PPP3CA: variants seen among roughly 807,000 people sequenced by gnomAD.
PPP3CA encodes protein phosphatase 3 catalytic subunit alpha, also known as CAM-PRP catalytic subunit.
A neutral mutation model predicts 66.5 loss-of-function variants in PPP3CA; 14 were observed. The observed-to-expected ratio is 0.21, with a 90% CI of 0.14 to 0.33. The LOEUF is 0.33. Ranked by LOEUF, PPP3CA falls within the 10% of genes least tolerant of loss-of-function variation. The probability of loss-of-function intolerance (pLI) is 1.00; values close to 1 mark genes in which losing one functional copy is unlikely to be tolerated. For synonymous variants in PPP3CA, 232 were observed against 226.2 expected (o/e 1.03, Z -0.23); for missense variants, 317 against 639.5 (o/e 0.50, Z 5.44).
intron 1 of PPP3CA, among the ~76,000 whole-genome samples, chr4:101,268,534 A>G (rs1037127135): frequency 1.3e-5 from 2 of 152,114 alleles, no homozygotes; most frequent in African/African-American, 2.4e-5. Context: ...CCACTATAAA[A>G]ACCTGCAACT....
In PPP3CA at chr4:101,102,831, G is replaced by C. The variant is rs145051444; in HGVS notation, c.385-3109C>G. 2.2e-3 allele frequency among the ~76,000 whole-genome samples: 331 copies of C among 152,316 alleles called. 1 individual carries two copies. The highest frequency in any genetic ancestry group is 3.7e-3 in the Non-Finnish European group (254 of 68,020). The stretch of plus-strand genomic sequence containing the variant: ...AATTTTCAGTGAATTAATTGGTTAA[G>C]GTAGAAACAAAGGGCTGTGTTACAC... On this transcript the variant is annotated intron_variant, in intron 3 of 13. Coordinates refer to ENST00000394854, the MANE Select transcript of PPP3CA (RefSeq NM_000944.5).
chr4:101,141,351 A>G (rs2659550), intron 2 of PPP3CA, among the ~76,000 whole-genome samples: 1 of 151,828 alleles, frequency 6.6e-6, no homozygotes, highest in Admixed American at 6.6e-5. Flanking sequence ...ACTTGGGCAA[A>G]AGAGAGAGAC....
Position 101,041,385 on chromosome 4 carries a change from G to A in PPP3CA, c.1157-819C>T, listed in dbSNP as rs147857189. Among the ~76,000 whole-genome samples, 75 of 149,838 alleles carry A rather than the reference G, an allele frequency of 5.0e-4. No individual in the cohort carries two copies. In the East Asian group the frequency reaches 0.014, roughly 27 times the overall value. Reference sequence around the variant, plus strand: ...CATTTTATTTTTTCTTTTAATTCCCGAGGTACATTGGAAGAAGTATAAAAC... The same window carrying A: ...CATTTTATTTTTTCTTTTAATTCCCAAGGTACATTGGAAGAAGTATAAAAC... On this transcript the variant is annotated intron_variant, in intron 10 of 13. Coordinates refer to ENST00000394854, the MANE Select transcript of PPP3CA (RefSeq NM_000944.5).
At position 101,106,316 on chromosome 4, in the gene PPP3CA, T is replaced by C. The variant is rs573406394; in HGVS notation, c.384+2638A>G. On this transcript the variant is annotated intron_variant, in intron 3 of 13. Coordinates refer to ENST00000394854, the MANE Select transcript of PPP3CA (RefSeq NM_000944.5). ...ATGAAGCCACAGTGAGCTATGACTG[T>C]GCTACTGCATTGTAGCCTGGGTGAC... Among the ~76,000 whole-genome samples the C allele has an allele frequency of 6.7e-5, 10 of 149,038 alleles. No individual in the cohort carries two copies. In the East Asian group the frequency reaches 2.0e-3, roughly 30 times the overall value.
intron 2 of PPP3CA, among the ~76,000 whole-genome samples, chr4:101,175,392 C>T (rs1050995832): frequency 5.3e-5 from 8 of 152,236 alleles, no homozygotes; most frequent in African/African-American, 1.9e-4. Flanking sequence ...TTAGCTGATG[C>T]ATTTTATCAA....
At chr4:101,092,403 G>C in intron 6 of PPP3CA, among the ~76,000 whole-genome samples, 1 of 151,134 alleles carries the variant, frequency 6.6e-6, no homozygotes, top group East Asian at 1.9e-4. Context: ...TTAAAACAAG[G>C]CTGGTGTTGG....
chr4:101,154,808 A>ATTTTTTTTTTT lies in PPP3CA; in HGVS notation c.259+41097_259+41107dup, dbSNP rs779695561. Among the ~76,000 whole-genome samples the ATTTTTTTTTTT allele has an allele frequency of 1.2e-4, 11 of 90,582 alleles. 1 individual carries two copies. The highest frequency in any genetic ancestry group is 7.8e-4 in the East Asian group (2 of 2,574). 59.4% of individuals were successfully genotyped at this position (90,582 alleles called of 152,430 possible). ...GCTTCAGAACACATTCACTCCCAGA[A>ATTTTTTTTTTT]TTTTTTTTTTTTTTTTTTTTTTTTT... On this transcript the variant is annotated intron_variant, in intron 2 of 13. Transcript: ENST00000394854.
At chr4:101,029,716 AGATTCAAAT>A (rs1726851693) in intron 12 of PPP3CA, among the ~76,000 whole-genome samples, 7 of 151,538 alleles carry the variant, frequency 4.6e-5, no homozygotes, top group African/African-American at 1.7e-4. Context: ...AAAAACAGGG[AGATTCAAAT>A]TTAAAGGAAA....
chr4:101,169,205 T>C (rs1723790720), intron 2 of PPP3CA, among the ~76,000 whole-genome samples: 2 of 152,212 alleles, frequency 1.3e-5, no homozygotes. Flanking sequence ...AGTATGGTAA[T>C]CATGTATAGG....
At chr4:101,277,879 C>G (rs1727552502) in intron 1 of PPP3CA, among the ~76,000 whole-genome samples, 1 of 152,010 alleles carries the variant, frequency 6.6e-6, no homozygotes, top group Non-Finnish European at 1.5e-5. Context: ...AAGAAAATTC[C>G]ATGAAAACCA....
At chr4:101,276,502 G>A (rs1164277991) in intron 1 of PPP3CA, among the ~76,000 whole-genome samples, 1 of 152,112 alleles carries the variant, frequency 6.6e-6, no homozygotes, top group Non-Finnish European at 1.5e-5. Context: ...TACACTGAAT[G>A]TTTTTCATGA....
At position 101,139,546 on chromosome 4, in the gene PPP3CA, T is replaced by C. The variant is rs534571692; in HGVS notation, c.260-30468A>G. 2.0e-3 allele frequency among the ~76,000 whole-genome samples: 302 copies of C among 152,114 alleles called. 4 individuals carry two copies. The highest frequency in any genetic ancestry group is 6.9e-3 in the African/African-American group (288 of 41,490). The stretch of plus-strand genomic sequence containing the variant: ...TCTGTACATTGTGGGAGCTCACAAA[T>C]ACTTTATTCGACCCCTAAAAGAATA... On this transcript the variant is annotated intron_variant, in intron 2 of 13. Coordinates refer to ENST00000394854, the MANE Select transcript of PPP3CA (RefSeq NM_000944.5).
chr4:101,089,039 T>C (rs1458152111), intron 6 of PPP3CA, among the ~76,000 whole-genome samples: 1 of 151,828 alleles, frequency 6.6e-6, no homozygotes, highest in Non-Finnish European at 1.5e-5. Context: ...GCATGGTGAG[T>C]TTAGGTTAAG....
At chr4:101,062,724 A>G (rs1728521664) in intron 9 of PPP3CA, among the ~76,000 whole-genome samples, 1 of 152,020 alleles carries the variant, frequency 6.6e-6, no homozygotes, top group Admixed American at 6.6e-5. Context: ...TAATGCCTAC[A>G]TTATTGATGA....
intron 1 of PPP3CA, among the ~76,000 whole-genome samples, chr4:101,303,046 C>T (rs189215592): frequency 6.6e-6 from 1 of 152,136 alleles, no homozygotes; most frequent in Non-Finnish European, 1.5e-5. Flanking sequence ...AAACTCTAGA[C>T]AAATTTTTCA....
intron 1 of PPP3CA, among the ~76,000 whole-genome samples, chr4:101,310,666 C>T (rs759935738): frequency 1.4e-4 from 21 of 152,120 alleles, no homozygotes; most frequent in Non-Finnish European, 3.1e-4. Flanking sequence ...GAGAGAAACA[C>T]TCTGAAGAAA....
At chr4:101,026,573 A>G (rs1257986504) in intron 13 of PPP3CA, among the ~76,000 whole-genome samples, 1 of 152,242 alleles carries the variant, frequency 6.6e-6, no homozygotes, top group Admixed American at 6.5e-5. Context: ...AAGGAGCTAG[A>G]AAAGGAATTA....
intron 10 of PPP3CA, among the ~76,000 whole-genome samples, chr4:101,040,903 C>G (rs531877660): frequency 6.6e-6 from 1 of 152,270 alleles, no homozygotes; most frequent in African/African-American, 2.4e-5. Context: ...TCTATTTATA[C>G]AGAGACCACG....
intron 1 of PPP3CA, among the ~76,000 whole-genome samples, chr4:101,313,509 AAT>A (rs1728790377): frequency 6.6e-6 from 1 of 152,234 alleles, no homozygotes; most frequent in Admixed American, 6.5e-5. Flanking sequence ...ATGAGGATTT[AAT>A]ATGACTTTCT....
Sources: allele counts gnomAD v4.1 joint callset (sites outside exome capture counted in the v4.1 genomes callset), GRCh38; gene constraint gnomAD v4.1.1; transcripts MANE v1.5; gene names NCBI Gene and HGNC (gene_info 2026-07-23, HGNC 2026-07-21).